The following CDC37L1 variants were observed in gnomAD, a reference collection of about 807,000 sequenced individuals.
CDC37L1 encodes cell division cycle 37 like 1, HSP90 cochaperone, also known as hsp90 co-chaperone Cdc37-like 1.
Under a neutral mutation model 45.9 loss-of-function variants are expected in CDC37L1, and 32 were observed. The observed-to-expected ratio is 0.70, with a 90% CI of 0.53 to 0.94. CDC37L1 has a LOEUF of 0.94. Among genes scored for constraint, CDC37L1 ranks in the 40% least tolerant of loss-of-function variants. The pLI is 0.00. For synonymous variants in CDC37L1, 150 were observed against 133.0 expected (o/e 1.13, Z -0.88); for missense variants, 434 against 405.7 (o/e 1.07, Z -0.60).
At position 4,701,928 on chromosome 9, in the gene CDC37L1, G is replaced by C. The variant is rs1268815438; in HGVS notation, c.812G>C (p.Arg271Thr). The C allele has an allele frequency of 6.3e-7, 1 of 1,597,786 alleles. No individual in the cohort carries two copies. Among genetic ancestry groups the C allele is most frequent in the South Asian group, 1.1e-5 (1 of 88,504 alleles). ...NELEAFKSRV[R>T]LYSQSQSFQP... Reference sequence around the variant, plus strand: ...CTTGAAGCTTTCAAGTCAAGAGTAAGACTTTATTCTCAATCACAAAGTTTT... The same window carrying C: ...CTTGAAGCTTTCAAGTCAAGAGTAACACTTTATTCTCAATCACAAAGTTTT... Residue 271 changes from arginine to threonine, a missense_variant, in exon 6 of 7, where the codon AGA becomes ACA. Transcript: ENST00000381854.
At chr9:4,701,286 TC>T (rs1841393669) in intron 5 of CDC37L1, among the ~76,000 whole-genome samples, 1 of 152,218 alleles carries the variant, frequency 6.6e-6, no homozygotes, top group Non-Finnish European at 1.5e-5. Flanking sequence ...TCATACTTTT[TC>T]TTTCCATAAT....
chr9:4,706,634 T>C lies in CDC37L1; in HGVS notation c.*522T>C, dbSNP rs1841445009. 1 of 152,668 alleles carries C rather than the reference T, an allele frequency of 6.6e-6. No homozygotes were observed. Among genetic ancestry groups the C allele is most frequent in the Non-Finnish European group, 1.5e-5 (1 of 68,042 alleles). 9.5% of individuals were successfully genotyped at this position (152,668 alleles called of 1,614,324 possible). A position where few individuals can be genotyped will look rare whatever the true frequency, so the allele number is the denominator to read the frequency against. ...TTACTAAATAAGTTGGGGGGTACAA[T>C]TTTTAAAAGTCTTAACTCTTAAATA... On this transcript the variant is annotated 3_prime_UTR_variant, in exon 7 of 7. Coordinates refer to ENST00000381854, the MANE Select transcript of CDC37L1 (RefSeq NM_017913.4).
chr9:4,707,972 A>T lies in CDC37L1; in HGVS notation c.*1860A>T, dbSNP rs1340083884. 7.2e-5 allele frequency: 11 copies of T among 152,242 alleles called. No individual in the cohort carries two copies. Among genetic ancestry groups the T allele is most frequent in the Non-Finnish European group, 1.3e-4 (9 of 68,036 alleles). 9.4% of individuals were successfully genotyped at this position (152,242 alleles called of 1,614,324 possible). On this transcript the variant is annotated 3_prime_UTR_variant, in exon 7 of 7. Transcript: ENST00000381854. The stretch of plus-strand genomic sequence containing the variant: ...CAGGAGAGAAAGTATCAACAAACTG[A>T]GTAAACTATTCTTGAGGGGCACTGA...
rs1373818023 is a variant in CDC37L1 at position 4,707,682 on chromosome 9, GCCT to G, written c.*1571_*1573del. ...CTAATTTATATAGTAGTGTTTGTCA[GCCT>G]GTACTTTTTTTTTTTTTAAACCCAT... On this transcript the variant is annotated 3_prime_UTR_variant, in exon 7 of 7. Coordinates refer to ENST00000381854, the MANE Select transcript of CDC37L1 (RefSeq NM_017913.4). 1.3e-5 allele frequency: 2 copies of G among 151,332 alleles called. No homozygotes were observed. The highest frequency in any genetic ancestry group is 2.4e-5 in the African/African-American group (1 of 41,152). 9.4% of individuals were successfully genotyped at this position (151,332 alleles called of 1,614,324 possible). A position where few individuals can be genotyped will look rare whatever the true frequency, so the allele number is the denominator to read the frequency against.
intron 6 of CDC37L1, among the ~76,000 whole-genome samples, chr9:4,703,964 A>G (rs1313374265): frequency 1.3e-5 from 2 of 152,124 alleles, no homozygotes; most frequent in African/African-American, 4.8e-5. Flanking sequence ...GAGCATCCTG[A>G]TGTGGTCCTT....
rs1841449332 is a variant in CDC37L1 at position 4,706,979 on chromosome 9, G to A, written c.*867G>A. 2 of 152,084 alleles carry A rather than the reference G, an allele frequency of 1.3e-5. No individual in the cohort carries two copies. Among genetic ancestry groups the A allele is most frequent in the South Asian group, 4.2e-4 (2 of 4,814 alleles). The allele number at this position is 152,084 out of a possible 1,614,324, so 9.4% of individuals were successfully genotyped here. A position where few individuals can be genotyped will look rare whatever the true frequency, so the allele number is the denominator to read the frequency against. ...AATTTGTAGTTATTTTACTCATGTTGCCTTTTAATTTTTGTTATTTTGGTT... is the reference window on the plus strand; with the variant it reads ...AATTTGTAGTTATTTTACTCATGTTACCTTTTAATTTTTGTTATTTTGGTT... On this transcript the variant is annotated 3_prime_UTR_variant, in exon 7 of 7. Coordinates refer to ENST00000381854, the MANE Select transcript of CDC37L1 (RefSeq NM_017913.4).
intron 1 of CDC37L1, among the ~76,000 whole-genome samples, chr9:4,683,899 G>C (rs1228050005): frequency 1.3e-5 from 2 of 152,224 alleles, no homozygotes; most frequent in East Asian, 3.8e-4. Flanking sequence ...GTCTATCACA[G>C]TACTTTACAT....
intron 6 of CDC37L1, chr9:4,703,357 A>T: frequency 3.2e-4 from 36 of 111,970 alleles, no homozygotes; most frequent in East Asian, 1.2e-3. Flanking sequence ...ACTCTGGCTG[A>T]AAAAAAAAAA....
intron 1 of CDC37L1, among the ~76,000 whole-genome samples, chr9:4,684,077 A>G (rs1375896174): frequency 1.5e-5 from 2 of 130,500 alleles, no homozygotes; most frequent in Non-Finnish European, 3.4e-5. Flanking sequence ...CGAGGTCAAG[A>G]GATCAAGACC....
intron 6 of CDC37L1, among the ~76,000 whole-genome samples, chr9:4,704,716 C>A (rs1208400280): frequency 3.9e-5 from 6 of 152,142 alleles, no homozygotes; most frequent in African/African-American, 1.4e-4. Context: ...TGTGGGTAAC[C>A]ATTTAGCTTT....
chr9:4,706,116 G>T lies in CDC37L1; in HGVS notation c.*4G>T. On this transcript the variant is annotated 3_prime_UTR_variant, in exon 7 of 7. Coordinates refer to ENST00000381854, the MANE Select transcript of CDC37L1 (RefSeq NM_017913.4). ...CAAAATGATGGACACTGTATAATTTGGTTAAGACTGCTGAGGCCAAGTGCT... is the reference window on the plus strand; with the variant it reads ...CAAAATGATGGACACTGTATAATTTTGTTAAGACTGCTGAGGCCAAGTGCT... 6.8e-7 allele frequency: 1 copy of T among 1,462,606 alleles called. No individual in the cohort carries two copies. The highest frequency in any genetic ancestry group is 1.1e-5 in the South Asian group (1 of 87,194). The allele number at this position is 1,462,606 out of a possible 1,614,324, so 90.6% of individuals were successfully genotyped here. A position where few individuals can be genotyped will look rare whatever the true frequency, so the allele number is the denominator to read the frequency against.
intron 3 of CDC37L1, among the ~76,000 whole-genome samples, chr9:4,695,907 C>T (rs1012266204): frequency 6.6e-6 from 1 of 152,156 alleles, no homozygotes; most frequent in Non-Finnish European, 1.5e-5. Context: ...TCTTGTGCCT[C>T]AGCCTTCCAA....
intron 2 of CDC37L1, 86 bp downstream of exon 2, chr9:4,685,244 C>T (rs899429763): frequency 9.7e-7 from 1 of 1,029,364 alleles, no homozygotes; most frequent in African/African-American, 1.6e-5. Context: ...AGCAAAGCAG[C>T]AGAATCCCAT....
At chr9:4,697,595 TA>T (rs3215723) in intron 4 of CDC37L1, among the ~76,000 whole-genome samples, 161 bp from the exon 5 acceptor site, 4 of 148,808 alleles carry the variant, frequency 2.7e-5, no homozygotes, top group African/African-American at 9.8e-5. Context: ...ATACAAATAA[TA>T]AAAAAAAAAC....
At chr9:4,697,525 G>A (rs1299728522) in intron 4 of CDC37L1, among the ~76,000 whole-genome samples, 2 of 151,646 alleles carry the variant, frequency 1.3e-5, no homozygotes, top group African/African-American at 2.4e-5. Context: ...AAATCCAGAC[G>A]GTAATCATGG....
intron 5 of CDC37L1, among the ~76,000 whole-genome samples, chr9:4,698,167 T>C (rs563348717): frequency 6.6e-6 from 1 of 152,094 alleles, no homozygotes; most frequent in Non-Finnish European, 1.5e-5. Flanking sequence ...AAATACTGAG[T>C]GCCTAATGCA....
intron 3 of CDC37L1, among the ~76,000 whole-genome samples, chr9:4,693,795 T>C (rs1447312950): frequency 6.6e-6 from 1 of 152,242 alleles, no homozygotes; most frequent in Non-Finnish European, 1.5e-5. Context: ...TCAGGCACTG[T>C]TCTAAGTGCT....
intron 2 of CDC37L1, chr9:4,685,506 A>G (rs1417224526): frequency 5.5e-6 from 1 of 180,948 alleles, no homozygotes; most frequent in African/African-American, 2.4e-5. Flanking sequence ...TGTACCCCCT[A>G]CACTGATTAT....
intron 3 of CDC37L1, among the ~76,000 whole-genome samples, chr9:4,688,988 T>C (rs1244893547): frequency 6.6e-6 from 1 of 152,160 alleles, no homozygotes; most frequent in Non-Finnish European, 1.5e-5. Flanking sequence ...GTTTTGGATA[T>C]GATGCTTTAT....
Sources: allele counts gnomAD v4.1 joint callset (sites outside exome capture counted in the v4.1 genomes callset), GRCh38; gene constraint gnomAD v4.1.1; transcripts MANE v1.5; gene names NCBI Gene and HGNC (gene_info 2026-07-23, HGNC 2026-07-21).